ZNF462: variants seen among roughly 807,000 people sequenced by gnomAD.
ZNF462 encodes the protein zinc finger PBX1-interacting protein.
In ZNF462, 10 loss-of-function variants were observed where a neutral mutation model predicts 201.9. The ratio of observed to expected loss-of-function variants is 0.05; its 90% CI spans 0.03 to 0.08. The LOEUF (loss-of-function observed/expected upper bound fraction) is 0.08, where lower values mean the gene tolerates loss of function less well. Among genes scored for constraint, ZNF462 ranks in the 10% least tolerant of loss-of-function variants. The pLI, the probability that ZNF462 is intolerant of heterozygous loss-of-function variation, is 1.00. For synonymous variants in ZNF462, 1,227 were observed against 1,193.3 expected, an observed-to-expected ratio of 1.03 and a Z score of -0.58; for missense variants, 2,523 against 3,168.3, an observed-to-expected ratio of 0.80 and a Z score of 4.89.
rs1001579077 is a variant in ZNF462, at chr9:106,984,056, T to G, written c.6833-130T>G. On this transcript the variant is annotated intron_variant, in intron 9 of 12. Coordinates refer to ENST00000277225, the MANE Select transcript of ZNF462 (RefSeq NM_021224.6). This position sits in a 1 kb window ranked among gnomAD's most constrained non-coding sequence, Gnocchi z 6.4. ...TTAGGGGAGGGGCAGGGTGCATGTG[T>G]GTCAGTTCAAGGAACCAGATCCACG... is the stretch of plus-strand genomic sequence containing the variant. 2 of 760,708 alleles carry G rather than the reference T, an allele frequency of 2.6e-6. No individual in the cohort carries two copies. The highest frequency in any genetic ancestry group is 1.7e-5 in the African/African-American group (1 of 57,240). 47.1% of individuals were successfully genotyped at this position (760,708 alleles called of 1,614,324 possible).
At chr9:106,891,803 G>C (rs568424352) in intron 1 of ZNF462, among the ~76,000 whole-genome samples, 6 of 152,058 alleles carry the variant, frequency 3.9e-5, no homozygotes, top group Admixed American at 2.6e-4. Flanking sequence ...TCCCATTGTT[G>C]ATCAAGCATA....
intron 10 of ZNF462, among the ~76,000 whole-genome samples, chr9:106,986,589 T>C (rs138231423): frequency 6.6e-6 from 1 of 152,316 alleles, no homozygotes; most frequent in African/African-American, 2.4e-5. Context: ...CCACTAATTA[T>C]ACTTTGCATC....
chr9:106,988,668 G>A (rs1828032427), intron 10 of ZNF462, among the ~76,000 whole-genome samples: 1 of 152,206 alleles, frequency 6.6e-6, no homozygotes, highest in Admixed American at 6.5e-5. Flanking sequence ...TCCCATCCAT[G>A]AGCATGGGAT....
chr9:106,974,648 A>G lies in ZNF462; in HGVS notation c.6832+375A>G, dbSNP rs1017999626. ...GCAAATGTGAAATGTGGAGAGCTCT[A>G]TGGCTGTGAGAGATTCTTTCAAGAA... On this transcript the variant is annotated intron_variant, in intron 9 of 12. Transcript: ENST00000277225. The surrounding 1 kb of genome is among the most constrained non-coding windows in gnomAD (Gnocchi z 4.0). The G allele has an allele frequency of 1.6e-5, 5 of 303,562 alleles. No individual in the cohort carries two copies. Among genetic ancestry groups the G allele is most frequent in the African/African-American group, 6.4e-5 (3 of 46,744 alleles). 18.8% of individuals were successfully genotyped at this position (303,562 alleles called of 1,614,324 possible). A position where few individuals can be genotyped will look rare whatever the true frequency, so the allele number is the denominator to read the frequency against.
At chr9:106,874,235 T>C (rs1357022301) in intron 1 of ZNF462, among the ~76,000 whole-genome samples, 2 of 152,234 alleles carry the variant, frequency 1.3e-5, no homozygotes, top group African/African-American at 4.8e-5. Flanking sequence ...AGGGACTCCA[T>C]TCAGCCTTGG....
intron 10 of ZNF462, among the ~76,000 whole-genome samples, chr9:106,999,992 G>A (rs1259197711): frequency 2.0e-5 from 3 of 152,014 alleles, no homozygotes; most frequent in Admixed American, 6.6e-5. Flanking sequence ...TCTTGAAGGC[G>A]GGGTGCAGAA....
Position 106,963,967 on chromosome 9 carries a change from A to G in ZNF462, c.6428-8038A>G, listed in dbSNP as rs1831955741. On this transcript the variant is annotated intron_variant, in intron 7 of 12. Transcript: ENST00000277225. This position sits in a 1 kb window ranked among gnomAD's most constrained non-coding sequence, Gnocchi z 4.7. ...TTGTCCCTCTGTGACTGGCTTTAGCATATAACAAGATTTCCTTCTTTTTTA... is the reference window on the plus strand; with the variant it reads ...TTGTCCCTCTGTGACTGGCTTTAGCGTATAACAAGATTTCCTTCTTTTTTA... 2.0e-5 allele frequency among the ~76,000 whole-genome samples: 3 copies of G among 151,878 alleles called. No individual in the cohort carries two copies. Among genetic ancestry groups the G allele is most frequent in the Admixed American group, 2.0e-4 (3 of 15,216 alleles).
rs1830400034 is a variant in ZNF462 at position 106,930,961 on chromosome 9, G to C, written c.6012+272G>C. 2.9e-6 allele frequency: 1 copy of C among 339,738 alleles called. No homozygotes were observed. Among genetic ancestry groups the C allele is most frequent in the Admixed American group, 3.9e-5 (1 of 25,812 alleles). 21.0% of individuals were successfully genotyped at this position (339,738 alleles called of 1,614,324 possible). On this transcript the variant is annotated intron_variant, in intron 4 of 12. Transcript: ENST00000277225. The surrounding 1 kb of genome is among the most constrained non-coding windows in gnomAD (Gnocchi z 5.8). ...AGGATTCTCGGTCTAGGAGGCTTCGGGTCGTCCTTCTATTCTGCGTTTAGT... is the reference window on the plus strand; with the variant it reads ...AGGATTCTCGGTCTAGGAGGCTTCGCGTCGTCCTTCTATTCTGCGTTTAGT...
chr9:106,974,009 A>ATT lies in ZNF462; in HGVS notation c.6696-120_6696-119dup. 1.6e-6 allele frequency: 2 copies of ATT among 1,231,800 alleles called. No homozygotes were observed. The highest frequency in any genetic ancestry group is 2.1e-5 in the Admixed American group (1 of 48,284). The allele number at this position is 1,231,800 out of a possible 1,614,324, so 76.3% of individuals were successfully genotyped here. On this transcript the variant is annotated intron_variant, in intron 8 of 12. Coordinates refer to ENST00000277225, the MANE Select transcript of ZNF462 (RefSeq NM_021224.6). The surrounding 1 kb of genome is among the most constrained non-coding windows in gnomAD (Gnocchi z 4.0). ...GGTGGTCAACAAACATGATGAACAGATTTTTTTTTAGCCCCACAAGCAGGA... is the reference window on the plus strand; with the variant it reads ...GGTGGTCAACAAACATGATGAACAGATTTTTTTTTTTAGCCCCACAAGCAGGA...
At chr9:106,899,251 G>GT (rs1828952528) in intron 1 of ZNF462, among the ~76,000 whole-genome samples, 16 of 123,634 alleles carry the variant, frequency 1.3e-4, no homozygotes, top group South Asian at 2.9e-4. Flanking sequence ...GGGGGGGGGG[G>GT]GTGTGTGCAT....
Position 106,870,570 on chromosome 9 carries a change from GA to G in ZNF462, c.-31+7216del, listed in dbSNP as rs1023121563. Among the ~76,000 whole-genome samples the G allele has an allele frequency of 1.3e-5, 2 of 152,134 alleles. No homozygotes were observed. The highest frequency in any genetic ancestry group is 1.3e-4 in the Admixed American group (2 of 15,274). Reference sequence around the variant, plus strand: ...AAGTTATTTGCTAGACCTTCACATAGACAAATTTTAACAAAGACCACACCAG... The same window carrying G: ...AAGTTATTTGCTAGACCTTCACATAGCAAATTTTAACAAAGACCACACCAG... On this transcript the variant is annotated intron_variant, in intron 1 of 12. Transcript: ENST00000277225. The surrounding 1 kb of genome is among the most constrained non-coding windows in gnomAD (Gnocchi z 4.3).
chr9:106,937,840 T>C (rs1306320187), intron 6 of ZNF462, among the ~76,000 whole-genome samples: 1 of 152,224 alleles, frequency 6.6e-6, no homozygotes, highest in African/African-American at 2.4e-5. Flanking sequence ...GTTGTAAATT[T>C]AGGTTATTTC....
chr9:106,951,632 A>T (rs1268124543), intron 7 of ZNF462, among the ~76,000 whole-genome samples: 3 of 152,182 alleles, frequency 2.0e-5, no homozygotes, highest in Admixed American at 6.5e-5. Flanking sequence ...GCACTAGCCC[A>T]GGCAGAGCAG....
chr9:106,903,974 G>A (rs1829163965), intron 1 of ZNF462, among the ~76,000 whole-genome samples: 1 of 152,088 alleles, frequency 6.6e-6, no homozygotes, highest in Non-Finnish European at 1.5e-5. Context: ...ATTGTTGCCT[G>A]TGTACTTTGG....
chr9:106,867,577 A>C (rs1210543726), intron 1 of ZNF462, among the ~76,000 whole-genome samples: 2 of 149,824 alleles, frequency 1.3e-5, no homozygotes, highest in Middle Eastern at 3.4e-3. Context: ...TTTTAGAGAA[A>C]AAAAAAAAAA....
Position 106,998,815 on chromosome 9 carries a change from G to C in ZNF462, c.7057-4479G>C, listed in dbSNP as rs181000255. 2.3e-3 allele frequency among the ~76,000 whole-genome samples: 344 copies of C among 152,018 alleles called. 4 individuals are homozygous for C. The highest frequency in any genetic ancestry group is 8.1e-3 in the African/African-American group (334 of 41,478). The stretch of plus-strand genomic sequence containing the variant: ...GTAGAGACGGGGTTTCACCATGTTG[G>C]CCAGGCTGGTCTCAAACTCCTGACC... On this transcript the variant is annotated intron_variant, in intron 10 of 12. Transcript: ENST00000277225.
intron 1 of ZNF462, among the ~76,000 whole-genome samples, chr9:106,918,294 A>G (rs1402358465): frequency 6.6e-6 from 1 of 152,234 alleles, no homozygotes. Flanking sequence ...ATGCCCATAT[A>G]TGAGTTAAAA....
At position 107,009,816 on chromosome 9, in the gene ZNF462, A is replaced by C; in HGVS notation, c.7313+148A>C. 8.2e-7 allele frequency: 1 copy of C among 1,213,868 alleles called. No individual in the cohort carries two copies. The highest frequency in any genetic ancestry group is 1.6e-5 in the South Asian group (1 of 61,492). 75.2% of individuals were successfully genotyped at this position (1,213,868 alleles called of 1,614,324 possible). On this transcript the variant is annotated intron_variant, in intron 12 of 12. Coordinates refer to ENST00000277225, the MANE Select transcript of ZNF462 (RefSeq NM_021224.6). The surrounding 1 kb of genome is among the most constrained non-coding windows in gnomAD (Gnocchi z 6.1). ...GGAGGAGAGGCAATGGTGAGGAACC[A>C]AGTTTCTCCTTTTCTGTTGTTTTTT...
chr9:106,871,958 C>A (rs1211438668), intron 1 of ZNF462, among the ~76,000 whole-genome samples: 2 of 152,158 alleles, frequency 1.3e-5, no homozygotes. Context: ...TACTACCTGG[C>A]GTCAGTTTGG....
Sources: gnomAD v4.1 joint callset for allele counts (sites outside exome capture counted in the v4.1 genomes callset) on GRCh38, gnomAD v4.1.1 for gene constraint, Gnocchi (gnomAD v3.1) non-coding constraint, MANE v1.5 for transcripts, NCBI Gene and HGNC (gene_info 2026-07-23, HGNC 2026-07-21) for gene names.